Variants in NAALADL2 observed in about 807,000 individuals in gnomAD.
The protein encoded by NAALADL2 is N-acetylated alpha-linked acidic dipeptidase like 2.
A neutral mutation model predicts 87.2 loss-of-function variants in NAALADL2; 76 were observed. The observed-to-expected ratio is 0.87, with a 90% confidence interval of 0.72 to 1.05. NAALADL2 has a LOEUF of 1.05. Among genes scored for constraint, NAALADL2 ranks in the 50% least tolerant of loss-of-function variants. The pLI is 0.00. For missense variants in NAALADL2, 1,089 were observed against 945.8 expected (o/e 1.15, Z -1.99); for synonymous variants, 354 against 331.0 (o/e 1.07, Z -0.75).
intron 3 of NAALADL2, among the ~76,000 whole-genome samples, chr3:174,798,618 T>G (rs928728142): frequency 6.6e-6 from 1 of 152,196 alleles, no homozygotes; most frequent in East Asian, 1.9e-4. Context: ...ATGATTTTTT[T>G]TAGTTTTCAG....
intron 1 of NAALADL2, among the ~76,000 whole-genome samples, chr3:174,502,080 T>C (rs1255409661): frequency 6.6e-6 from 1 of 152,164 alleles, no homozygotes; most frequent in Non-Finnish European, 1.5e-5. Context: ...AGAAGGAAAA[T>C]AGAGAAGCTT....
At chr3:175,262,162 T>A (rs1581170546) in intron 4 of NAALADL2, among the ~76,000 whole-genome samples, 1 of 152,166 alleles carries the variant, frequency 6.6e-6, no homozygotes, top group East Asian at 1.9e-4. Flanking sequence ...AGTTAATGAA[T>A]GGACAATGGG....
At chr3:174,471,571 A>T (rs971772771) in intron 1 of NAALADL2, among the ~76,000 whole-genome samples, 10 of 151,460 alleles carry the variant, frequency 6.6e-5, no homozygotes, top group African/African-American at 2.2e-4. Context: ...GAGACTATCA[A>T]TTTTTTTTAA....
chr3:175,802,780 A>G (rs1754338271), intron 13 of NAALADL2, among the ~76,000 whole-genome samples: 1 of 152,028 alleles, frequency 6.6e-6, no homozygotes, highest in Admixed American at 6.6e-5. Flanking sequence ...ATCAGGAGGC[A>G]TATAATTTCT....
rs1161831796 is a variant in NAALADL2, at chr3:175,182,550, G to GTTTTTTTTTTTTTTTTTTT, written c.546-51371_546-51353dup. ...CTATAAGTCCATGACACCACAGCCA[G>GTTTTTTTTTTTTTTTTTTT]TTTTTTTTTTTTTTTTTTTTTTTTT... On this transcript the variant is annotated intron_variant, in intron 2 of 13. Transcript: ENST00000454872. 2.0e-4 allele frequency among the ~76,000 whole-genome samples: 14 copies of GTTTTTTTTTTTTTTTTTTT among 69,476 alleles called. 1 individual carries two copies. Among genetic ancestry groups the GTTTTTTTTTTTTTTTTTTT allele is most frequent in the African/African-American group, 3.6e-4 (6 of 16,734 alleles). 45.6% of individuals were successfully genotyped at this position (69,476 alleles called of 152,430 possible).
intron 10 of NAALADL2, among the ~76,000 whole-genome samples, chr3:175,603,317 A>G (rs184375345): frequency 6.6e-6 from 1 of 152,310 alleles, no homozygotes; most frequent in Non-Finnish European, 1.5e-5. Context: ...AGTTTTATAT[A>G]TAACATAAAA....
At chr3:174,948,476 A>T (rs1739818896) in intron 1 of NAALADL2, among the ~76,000 whole-genome samples, 1 of 152,064 alleles carries the variant, frequency 6.6e-6, no homozygotes, top group African/African-American at 2.4e-5. Context: ...CACGCCTGGC[A>T]AGAATTTATT....
At chr3:175,579,554 A>G (rs562121504) in intron 10 of NAALADL2, among the ~76,000 whole-genome samples, 8 of 152,302 alleles carry the variant, frequency 5.3e-5, no homozygotes, top group African/African-American at 1.9e-4. Context: ...ATTGCGATCT[A>G]TGGATTTGCC....
intron 1 of NAALADL2, among the ~76,000 whole-genome samples, chr3:175,088,020 G>A (rs1040751122): frequency 2.6e-5 from 4 of 151,414 alleles, no homozygotes; most frequent in Admixed American, 1.3e-4. Context: ...TTCCATTACT[G>A]TATTCCTACT....
intron 5 of NAALADL2, among the ~76,000 whole-genome samples, chr3:175,391,507 A>G (rs1170902752): frequency 6.6e-6 from 1 of 152,194 alleles, no homozygotes; most frequent in Non-Finnish European, 1.5e-5. Flanking sequence ...CCTCAAGCCA[A>G]ACACCCAGTG....
At chr3:175,087,346 C>T (rs924188789) in intron 1 of NAALADL2, among the ~76,000 whole-genome samples, 17 of 152,134 alleles carry the variant, frequency 1.1e-4, no homozygotes, top group Admixed American at 9.2e-4. Flanking sequence ...CGCCTCTGCA[C>T]GGCCGCCCCG....
At position 175,743,180 on chromosome 3, in the gene NAALADL2, T is replaced by C. The variant is rs151026581; in HGVS notation, c.1990+5781T>C. 3.3e-4 allele frequency among the ~76,000 whole-genome samples: 50 copies of C among 152,166 alleles called. 1 individual carries two copies. The East Asian group carries it at 9.1e-3, about 28-fold the overall frequency. Reference sequence around the variant, plus strand: ...CATGCCCAGCTAATTTTTGTATTTTTAGTAGAGATGGGGTTTCACCATGTT... The same window carrying C: ...CATGCCCAGCTAATTTTTGTATTTTCAGTAGAGATGGGGTTTCACCATGTT... On this transcript the variant is annotated intron_variant, in intron 12 of 13. Transcript: ENST00000454872.
intron 9 of NAALADL2, among the ~76,000 whole-genome samples, chr3:175,496,674 C>T (rs1302156286): frequency 2.0e-5 from 3 of 152,072 alleles, no homozygotes; most frequent in South Asian, 2.1e-4. Context: ...CCCACCTCAA[C>T]CTTCGAGTAG....
intron 9 of NAALADL2, among the ~76,000 whole-genome samples, chr3:175,504,697 T>G (rs902886927): frequency 6.6e-6 from 1 of 152,008 alleles, no homozygotes; most frequent in African/African-American, 2.4e-5. Flanking sequence ...AGAAAATATT[T>G]TTCTGTTGTT....
At chr3:175,650,103 A>G (rs986498286) in intron 11 of NAALADL2, among the ~76,000 whole-genome samples, 4 of 151,492 alleles carry the variant, frequency 2.6e-5, no homozygotes, top group Admixed American at 1.3e-4. Flanking sequence ...TTTTGCAAGT[A>G]GATAAATAAA....
intron 12 of NAALADL2, among the ~76,000 whole-genome samples, chr3:175,738,940 A>G (rs1349611434): frequency 6.6e-6 from 1 of 152,086 alleles, no homozygotes; most frequent in Non-Finnish European, 1.5e-5. Context: ...TTAAACAGTA[A>G]TTTTATTTAT....
At chr3:174,970,976 TTA>T (rs1743548798) in intron 1 of NAALADL2, among the ~76,000 whole-genome samples, 2 of 152,148 alleles carry the variant, frequency 1.3e-5, no homozygotes, top group African/African-American at 4.8e-5. Flanking sequence ...TTAATTGGAC[TTA>T]CAGGTCCACA....
At chr3:175,760,937 TATG>T (rs1285486172) in intron 13 of NAALADL2, among the ~76,000 whole-genome samples, 3 of 152,192 alleles carry the variant, frequency 2.0e-5, no homozygotes, top group African/African-American at 7.2e-5. Context: ...GGAATTCTCA[TATG>T]ATTCCTCAGC....
chr3:175,468,195 C>G (rs1724370777), intron 8 of NAALADL2, among the ~76,000 whole-genome samples: 1 of 151,926 alleles, frequency 6.6e-6, no homozygotes. Flanking sequence ...AAAGAATAGA[C>G]TTAAAGATGA....
Sources: allele counts gnomAD v4.1 joint callset (sites outside exome capture counted in the v4.1 genomes callset), GRCh38; gene constraint gnomAD v4.1.1; transcripts MANE v1.5; gene names NCBI Gene and HGNC (gene_info 2026-07-23, HGNC 2026-07-21).